CHD5: variants seen among roughly 807,000 people sequenced by gnomAD.
CHD5 encodes the protein ATP-dependent chromatin remodeler CHD5.
In CHD5, 69 loss-of-function variants were observed where a neutral mutation model predicts 230.3. The observed-to-expected ratio is 0.30, with a 90% CI of 0.25 to 0.37. The LOEUF (loss-of-function observed/expected upper bound fraction) is 0.37. Ranked by LOEUF, CHD5 falls within the 10% of genes least tolerant of loss-of-function variation. The probability of loss-of-function intolerance (pLI) is 1.00; values close to 1 mark genes in which losing one functional copy is unlikely to be tolerated. For synonymous variants in CHD5, 1,064 were observed against 1,065.9 expected, an observed-to-expected ratio of 1.00 and a Z score of 0.03; for missense variants, 1,827 against 2,622.8, an observed-to-expected ratio of 0.70 and a Z score of 6.63.
At chr1:6,168,713 G>A (rs1185880052) in intron 1 of CHD5, among the ~76,000 whole-genome samples, 1 of 152,172 alleles carries the variant, frequency 6.6e-6, no homozygotes, top group African/African-American at 2.4e-5. Context: ...GTGTGGCCAG[G>A]AGGTGGCTCG....
chr1:6,105,111 A>T lies in CHD5; in HGVS notation c.*363T>A. The stretch of plus-strand genomic sequence containing the variant: ...ATCTTCCATACGTCATCCAACTTTT[A>T]TCAAGACAAACGTGTTCAAGTCTTC... On this transcript the variant is annotated 3_prime_UTR_variant, in exon 42 of 42. Transcript: ENST00000262450. The surrounding 1 kb of genome is among the most constrained non-coding windows in gnomAD (Gnocchi z 4.8). 1 of 328,074 alleles carries T rather than the reference A, an allele frequency of 3.0e-6. No homozygotes were observed. The highest frequency in any genetic ancestry group is 2.4e-5 in the South Asian group (1 of 41,044). The allele number at this position is 328,074 out of a possible 1,614,324, so 20.3% of individuals were successfully genotyped here.
intron 11 of CHD5, among the ~76,000 whole-genome samples, chr1:6,144,420 C>T (rs1307109009): frequency 6.6e-6 from 1 of 152,216 alleles, no homozygotes; most frequent in Non-Finnish European, 1.5e-5. Flanking sequence ...CAGCCTCCCA[C>T]ATCCTTTGCA....
At chr1:6,139,742 ATGG>A (rs1422550756) in intron 15 of CHD5, among the ~76,000 whole-genome samples, 1 of 152,140 alleles carries the variant, frequency 6.6e-6, no homozygotes, top group Non-Finnish European at 1.5e-5. Context: ...AACGGTTAAG[ATGG>A]TAAGTTTTAC....
Position 6,105,407 on chromosome 1 carries a change from C to T in CHD5, c.*67G>A, listed in dbSNP as rs578232560. 3 of 470,710 alleles carry T rather than the reference C, an allele frequency of 6.4e-6. No homozygotes were observed. Among genetic ancestry groups the T allele is most frequent in the South Asian group, 4.6e-5 (3 of 64,546 alleles). The allele number at this position is 470,710 out of a possible 1,614,324, so 29.2% of individuals were successfully genotyped here. A position where few individuals can be genotyped will look rare whatever the true frequency, so the allele number is the denominator to read the frequency against. On this transcript the variant is annotated 3_prime_UTR_variant, in exon 42 of 42. Transcript: ENST00000262450. The surrounding 1 kb of genome is among the most constrained non-coding windows in gnomAD (Gnocchi z 4.8). ...GCTTTTCTCTCCCATGTGGGTCGGG[C>T]AGGTGGCCCGGCAGGCGTGGCTGCA...
intron 1 of CHD5, among the ~76,000 whole-genome samples, chr1:6,174,102 G>T (rs1667381788): frequency 6.6e-6 from 1 of 151,804 alleles, no homozygotes; most frequent in Non-Finnish European, 1.5e-5. Context: ...GGAGGAGGAG[G>T]ACAGAATGGT....
rs1297294528 is a variant in CHD5 at position 6,109,783 on chromosome 1, G to A, written c.5578+12C>T. 1.9e-6 allele frequency: 3 copies of A among 1,609,624 alleles called. No homozygotes were observed. The highest frequency in any genetic ancestry group is 1.7e-6 in the Non-Finnish European group (2 of 1,178,172). ...GCGGGGGGCTGCACCGTGGGGGGCA[G>A]GACTTGCTCACCCTTGTGCAGGACG... is the stretch of plus-strand genomic sequence containing the variant. On this transcript the variant is annotated intron_variant, in intron 38 of 41. Coordinates refer to ENST00000262450, the MANE Select transcript of CHD5 (RefSeq NM_015557.3).
chr1:6,172,559 C>T (rs1022435405), intron 1 of CHD5, among the ~76,000 whole-genome samples: 1 of 150,976 alleles, frequency 6.6e-6, no homozygotes, highest in Non-Finnish European at 1.5e-5. Flanking sequence ...TATTTACCTA[C>T]ATCTCAGTCC....
At position 6,155,524 on chromosome 1, in the gene CHD5, T is replaced by C; in HGVS notation, c.506+75A>G. 1 of 1,327,310 alleles carries C rather than the reference T, an allele frequency of 7.5e-7. No individual in the cohort carries two copies. Among genetic ancestry groups the C allele is most frequent in the Non-Finnish European group, 1.1e-6 (1 of 924,094 alleles). 82.2% of individuals were successfully genotyped at this position (1,327,310 alleles called of 1,614,324 possible). On this transcript the variant is annotated intron_variant, in intron 4 of 41. Transcript: ENST00000262450. This position sits in a 1 kb window ranked among gnomAD's most constrained non-coding sequence, Gnocchi z 4.0. ...CCTACCCCAGGTGCCGGGGCTTCAC[T>C]CCTCTGCCTCCCTCCCGACTTGGTA... is the stretch of plus-strand genomic sequence containing the variant.
At position 6,151,248 on chromosome 1, in the gene CHD5, G is replaced by A. The variant is rs992375801; in HGVS notation, c.871-93C>T. 3 of 1,392,056 alleles carry A rather than the reference G, an allele frequency of 2.2e-6. No individual in the cohort carries two copies. In the Admixed American group the frequency reaches 7.0e-5, roughly 33 times the overall value. 86.2% of individuals were successfully genotyped at this position (1,392,056 alleles called of 1,614,324 possible). ...GTGGGGTGGGACAAAGCACGGAAGAGGCTCTGGAGACACAGTGCTCTCTGT... is the reference window on the plus strand; with the variant it reads ...GTGGGGTGGGACAAAGCACGGAAGAAGCTCTGGAGACACAGTGCTCTCTGT... On this transcript the variant is annotated intron_variant, in intron 6 of 41. Coordinates refer to ENST00000262450, the MANE Select transcript of CHD5 (RefSeq NM_015557.3).
At chr1:6,140,252 C>T (rs767170311) in intron 15 of CHD5, among the ~76,000 whole-genome samples, 2 of 152,036 alleles carry the variant, frequency 1.3e-5, no homozygotes, top group Middle Eastern at 3.2e-3. Context: ...ATACAAAAAG[C>T]GGCTGAGTGT....
At chr1:6,107,342 G>A (rs1206324473) in intron 38 of CHD5, among the ~76,000 whole-genome samples, 2 of 139,338 alleles carry the variant, frequency 1.4e-5, no homozygotes, top group South Asian at 2.5e-4. Context: ...GATGTTGGAG[G>A]GATGGAGGGA....
At chr1:6,110,251 G>T in intron 37 of CHD5, 143 bp downstream of exon 37, 1 of 982,868 alleles carries the variant, frequency 1.0e-6, no homozygotes, top group Non-Finnish European at 1.5e-6. Flanking sequence ...ACTGTTAGTT[G>T]ATGGACATAC....
At chr1:6,107,173 G>GAT (rs1443508382) in intron 38 of CHD5, among the ~76,000 whole-genome samples, 4 of 146,272 alleles carry the variant, frequency 2.7e-5, no homozygotes, top group Non-Finnish European at 4.5e-5. Context: ...ATGGAGGGAA[G>GAT]GTGGAGGGAT....
intron 33 of CHD5, among the ~76,000 whole-genome samples, chr1:6,118,958 AG>A (rs1666419533): frequency 6.6e-6 from 1 of 151,974 alleles, no homozygotes; most frequent in African/African-American, 2.4e-5. Flanking sequence ...TCAGCCTCCC[AG>A]AGTTCTGGGA....
At position 6,129,475 on chromosome 1, in the gene CHD5, C is replaced by A. The variant is rs563112468; in HGVS notation, c.3388-406G>T. ...ACCACAAGACCATGTGCTGGAGACA[C>A]GCAGCCACCTTCTGAGGGCAGCAAG... On this transcript the variant is annotated intron_variant, in intron 22 of 41. Transcript: ENST00000262450. The surrounding 1 kb of genome is among the most constrained non-coding windows in gnomAD (Gnocchi z 6.8). Among the ~76,000 whole-genome samples, 7 of 152,250 alleles carry A rather than the reference C, an allele frequency of 4.6e-5. No homozygotes were observed. The highest frequency in any genetic ancestry group is 1.7e-4 in the African/African-American group (7 of 41,542).
At chr1:6,143,785 G>A (rs571085411) in intron 13 of CHD5, 38 bp downstream of exon 13, 9 of 1,556,798 alleles carry the variant, frequency 5.8e-6, no homozygotes, top group East Asian at 4.5e-5. Flanking sequence ...GCAGGCCCTG[G>A]CAACCCCACC....
chr1:6,109,753 G>A (rs745610199), intron 38 of CHD5, 42 bp downstream of exon 38: 2 of 1,554,414 alleles, frequency 1.3e-6, no homozygotes, highest in Non-Finnish European at 8.8e-7. Flanking sequence ...TGGGCAGGAG[G>A]AAGGGCGGGG....
chr1:6,171,514 C>CA (rs1034222656), intron 1 of CHD5, among the ~76,000 whole-genome samples: 4 of 151,892 alleles, frequency 2.6e-5, no homozygotes, highest in Admixed American at 1.3e-4. Flanking sequence ...ACTGCCCCCC[C>CA]CAACACCTCA....
chr1:6,116,220 C>A (rs1666376202), intron 33 of CHD5, among the ~76,000 whole-genome samples: 1 of 152,110 alleles, frequency 6.6e-6, no homozygotes, highest in Non-Finnish European at 1.5e-5. Flanking sequence ...GGGACAGCAT[C>A]TGACACTCAG....
Sources: allele counts gnomAD v4.1 joint callset (sites outside exome capture counted in the v4.1 genomes callset), GRCh38; gene constraint gnomAD v4.1.1; non-coding constraint Gnocchi (gnomAD v3.1); transcripts MANE v1.5; gene names NCBI Gene and HGNC (gene_info 2026-07-23, HGNC 2026-07-21).